Variants in MEI1 observed in about 807,000 individuals in gnomAD.
MEI1 encodes meiosis inhibitor protein 1.
Under a neutral mutation model 146.2 loss-of-function variants are expected in MEI1, and 103 were observed. The ratio of observed to expected loss-of-function variants is 0.70; its 90% CI spans 0.60 to 0.83. The LOEUF (loss-of-function observed/expected upper bound fraction) is 0.83. MEI1 is among the 40% of genes least tolerant of loss of function. The pLI is 0.00. For missense variants in MEI1, 1,529 were observed against 1,533.0 expected (o/e 1.00, Z 0.04); for synonymous variants, 652 against 628.2 (o/e 1.04, Z -0.57).
At chr22:41,732,223 C>T in intron 9 of MEI1, 22 bp from the exon 10 acceptor site, 2 of 1,583,226 alleles carry the variant, frequency 1.3e-6, no homozygotes, top group African/African-American at 1.3e-5. Flanking sequence ...TCCCTGGCCT[C>T]TGTCATGTCA....
At chr22:41,714,265 T>C (rs2069884425) in intron 4 of MEI1, among the ~76,000 whole-genome samples, 190 bp downstream of exon 4, 1 of 152,174 alleles carries the variant, frequency 6.6e-6, no homozygotes, top group Non-Finnish European at 1.5e-5. Context: ...TTTACAGCTT[T>C]CTTCTTTCCC....
At chr22:41,749,983 G>A (rs1216643870) in intron 15 of MEI1, among the ~76,000 whole-genome samples, 1 of 152,130 alleles carries the variant, frequency 6.6e-6, no homozygotes, top group African/African-American at 2.4e-5. Flanking sequence ...AATTGACTGT[G>A]TCTGAAGACA....
chr22:41,732,015 T>C (rs1386694057), intron 9 of MEI1, among the ~76,000 whole-genome samples: 1 of 152,136 alleles, frequency 6.6e-6, no homozygotes, highest in East Asian at 1.9e-4. Context: ...AAACCTCAAG[T>C]GCCAGGGACT....
At chr22:41,788,576 G>A (rs1373644827) in intron 26 of MEI1, among the ~76,000 whole-genome samples, 2 of 151,762 alleles carry the variant, frequency 1.3e-5, no homozygotes, top group Non-Finnish European at 2.9e-5. Flanking sequence ...GAGTAGTTGG[G>A]ATTACAGGTG....
chr22:41,738,289 C>T (rs933678152), intron 11 of MEI1, among the ~76,000 whole-genome samples: 2 of 150,638 alleles, frequency 1.3e-5, no homozygotes, highest in African/African-American at 4.9e-5. Context: ...CCCATCTTTA[C>T]TAAAAATACA....
At position 41,758,536 on chromosome 22, in the gene MEI1, C is replaced by A; in HGVS notation, c.2120+3C>A. On this transcript the variant is annotated splice_donor_region_variant and intron_variant, in intron 18 of 30. Transcript: ENST00000401548. Reference sequence around the variant, plus strand: ...TTGGCCTACATCCATGAAGACAGGTCAGTGCACAGAGGTGGGTGGCTGGTG... The same window carrying A: ...TTGGCCTACATCCATGAAGACAGGTAAGTGCACAGAGGTGGGTGGCTGGTG... The A allele has an allele frequency of 6.2e-7, 1 of 1,610,782 alleles. No individual in the cohort carries two copies. Among genetic ancestry groups the A allele is most frequent in the South Asian group, 1.1e-5 (1 of 90,748 alleles).
intron 23 of MEI1, 50 bp from the exon 24 acceptor site, chr22:41,781,635 T>C: frequency 6.3e-7 from 1 of 1,593,486 alleles, no homozygotes; most frequent in Non-Finnish European, 8.6e-7. Flanking sequence ...GGCACTTAGC[T>C]GAAGCTCCTC....
chr22:41,754,784 G>A (rs2147884612), intron 17 of MEI1, among the ~76,000 whole-genome samples: 1 of 152,284 alleles, frequency 6.6e-6, no homozygotes, highest in African/African-American at 2.4e-5. Context: ...AGGTGCTGGT[G>A]AAAGAGCCAG....
intron 6 of MEI1, among the ~76,000 whole-genome samples, chr22:41,721,434 C>T (rs562050527): frequency 2.2e-4 from 33 of 149,498 alleles, no homozygotes; most frequent in East Asian, 6.0e-4. Flanking sequence ...TTAGTAGAGA[C>T]GGGGTTTCAC....
chr22:41,760,630 G>A (rs890840501), intron 18 of MEI1, among the ~76,000 whole-genome samples: 1 of 152,190 alleles, frequency 6.6e-6, no homozygotes, highest in Non-Finnish European at 1.5e-5. Flanking sequence ...TGGGAGCATT[G>A]GCAAGCTACT....
chr22:41,739,408 T>G (rs921324215), intron 11 of MEI1, among the ~76,000 whole-genome samples: 1 of 152,146 alleles, frequency 6.6e-6, no homozygotes, highest in African/African-American at 2.4e-5. Context: ...CCCCAACTCT[T>G]CTTTTCCCCT....
At chr22:41,731,621 G>C (rs1187171620) in intron 9 of MEI1, among the ~76,000 whole-genome samples, 1 of 152,164 alleles carries the variant, frequency 6.6e-6, no homozygotes, top group Non-Finnish European at 1.5e-5. Flanking sequence ...GCCTCCCAAA[G>C]TGCTGGGATT....
In MEI1 at chr22:41,793,822, T is replaced by C. The variant is rs757274346; in HGVS notation, c.3346-7T>C. ...CCTGACCTGATTTTTTTTTTTTTTTTCTGCAGAAGGACCCTCTATTGTCCC... is the reference window on the plus strand; with the variant it reads ...CCTGACCTGATTTTTTTTTTTTTTTCCTGCAGAAGGACCCTCTATTGTCCC... On this transcript the variant is annotated splice_region_variant and splice_polypyrimidine_tract_variant and intron_variant, in intron 26 of 30. Coordinates refer to ENST00000401548, the MANE Select transcript of MEI1 (RefSeq NM_152513.4). The C allele has an allele frequency of 1.5e-5, 24 of 1,570,200 alleles. No homozygotes were observed. Among genetic ancestry groups the C allele is most frequent in the South Asian group, 6.0e-5 (5 of 83,558 alleles).
chr22:41,738,456 G>A (rs1207515091), intron 11 of MEI1, among the ~76,000 whole-genome samples: 7 of 152,034 alleles, frequency 4.6e-5, no homozygotes, highest in Admixed American at 3.9e-4. Context: ...GCACAGTGGC[G>A]GGTGCCTGTA....
intron 4 of MEI1, among the ~76,000 whole-genome samples, chr22:41,714,635 C>T (rs946292496): frequency 1.3e-5 from 2 of 151,664 alleles, no homozygotes; most frequent in Admixed American, 6.6e-5. Flanking sequence ...CTTTGGGAGG[C>T]TGAGGTGGGT....
At chr22:41,702,509 C>T (rs1220439597) in intron 1 of MEI1, among the ~76,000 whole-genome samples, 2 of 150,874 alleles carry the variant, frequency 1.3e-5, no homozygotes, top group Admixed American at 6.6e-5. Context: ...TGCAATGGCG[C>T]GATCTTGGCT....
chr22:41,778,637 A>G, intron 21 of MEI1, 71 bp from the exon 22 acceptor site: 1 of 1,200,812 alleles, frequency 8.3e-7, no homozygotes, highest in African/African-American at 1.5e-5. Flanking sequence ...CCATTGAAGC[A>G]GGGCAGGGTG....
At chr22:41,798,755 C>T (rs1371211486) in intron 30 of MEI1, among the ~76,000 whole-genome samples, 3 of 151,832 alleles carry the variant, frequency 2.0e-5, no homozygotes, top group African/African-American at 7.3e-5. Flanking sequence ...GTAATCCAAG[C>T]TACTTGGGAG....
intron 15 of MEI1, among the ~76,000 whole-genome samples, chr22:41,749,850 G>T (rs1259891424): frequency 6.6e-6 from 1 of 151,916 alleles, no homozygotes; most frequent in African/African-American, 2.4e-5. Flanking sequence ...TATGTGGATG[G>T]TGGTGTGTTT....
Sources: gnomAD v4.1 joint callset for allele counts (sites outside exome capture counted in the v4.1 genomes callset) on GRCh38, gnomAD v4.1.1 for gene constraint, MANE v1.5 for transcripts, NCBI Gene and HGNC (gene_info 2026-07-23, HGNC 2026-07-21) for gene names.